The following EXOSC10 variants were observed in gnomAD, a reference collection of about 807,000 sequenced individuals.
EXOSC10 encodes the protein exosome complex component 10.
EXOSC10 carries 94 observed loss-of-function variants against 126.6 expected under a neutral mutation model. The ratio of observed to expected loss-of-function variants is 0.74; its 90% CI spans 0.63 to 0.88. The LOEUF (loss-of-function observed/expected upper bound fraction) is 0.88. Ranked by LOEUF, EXOSC10 falls within the 40% of genes least tolerant of loss-of-function variation. The pLI is 0.00. For missense variants in EXOSC10, 1,041 were observed against 1,100.5 expected (o/e 0.95, Z 0.77); for synonymous variants, 395 against 400.8 (o/e 0.99, Z 0.17).
chr1:11,074,489 T>C (rs558190584), intron 17 of EXOSC10, among the ~76,000 whole-genome samples, 163 bp from the exon 18 acceptor site: 1 of 152,050 alleles, frequency 6.6e-6, no homozygotes, highest in South Asian at 2.1e-4. Flanking sequence ...CTCTGCTCAC[T>C]GCAACCTCCA....
At chr1:11,096,990 G>T (rs1641135846) in intron 2 of EXOSC10, among the ~76,000 whole-genome samples, 1 of 151,568 alleles carries the variant, frequency 6.6e-6, no homozygotes, top group South Asian at 2.1e-4. Context: ...GAGGTGGGTG[G>T]ATCACAAGGT....
At position 11,080,563 on chromosome 1, in the gene EXOSC10, A is replaced by AAAAACAC. The variant is rs763871842; in HGVS notation, c.1587-15_1587-14insGTGTTTT. 2 of 1,422,632 alleles carry AAAAACAC rather than the reference A, an allele frequency of 1.4e-6. No homozygotes were observed. Among genetic ancestry groups the AAAAACAC allele is most frequent in the East Asian group, 2.4e-5 (1 of 41,990 alleles). 88.1% of individuals were successfully genotyped at this position (1,422,632 alleles called of 1,614,324 possible). ...GGCAGTACATATCTGGAAAAAAAAA[A>AAAAACAC]ACACACACACACACACACACACACA... On this transcript the variant is annotated splice_polypyrimidine_tract_variant and intron_variant, in intron 12 of 24. Transcript: ENST00000376936.
intron 5 of EXOSC10, 130 bp from the exon 6 acceptor site, chr1:11,090,798 C>G: frequency 1.2e-6 from 1 of 830,092 alleles, no homozygotes; most frequent in East Asian, 2.7e-5. Context: ...GTCCCCCAGG[C>G]TGAAGTGTGG....
chr1:11,076,075 G>A (rs1186581180), intron 17 of EXOSC10, among the ~76,000 whole-genome samples: 1 of 152,084 alleles, frequency 6.6e-6, no homozygotes, highest in Non-Finnish European at 1.5e-5. Context: ...TGAGGCAGGA[G>A]AATCGCTTGA....
chr1:11,084,138 TACC>T (rs1446778100), intron 9 of EXOSC10, among the ~76,000 whole-genome samples: 1 of 152,222 alleles, frequency 6.6e-6, no homozygotes, highest in Non-Finnish European at 1.5e-5. Flanking sequence ...TTTGGGTATA[TACC>T]AAGTAATGGG....
intron 22 of EXOSC10, among the ~76,000 whole-genome samples, chr1:11,069,317 A>G (rs1342684731): frequency 1.3e-5 from 2 of 151,668 alleles, no homozygotes; most frequent in African/African-American, 4.8e-5. Flanking sequence ...AGTGGAAGTG[A>G]CAGGTGATCT....
At chr1:11,074,498 C>T (rs1331439583) in intron 17 of EXOSC10, among the ~76,000 whole-genome samples, 172 bp from the exon 18 acceptor site, 11 of 151,896 alleles carry the variant, frequency 7.2e-5, no homozygotes, top group Admixed American at 7.2e-4. Flanking sequence ...CTGCAACCTC[C>T]ACCTCCTGTG....
intron 3 of EXOSC10, 35 bp downstream of exon 3, chr1:11,095,723 A>G: frequency 6.2e-7 from 1 of 1,607,658 alleles, no homozygotes; most frequent in Non-Finnish European, 8.5e-7. Flanking sequence ...CAAAAACAAA[A>G]CAAAACAAAA....
intron 13 of EXOSC10, 139 bp from the exon 14 acceptor site, chr1:11,079,961 T>C: frequency 2.9e-6 from 2 of 696,946 alleles, no homozygotes; most frequent in Non-Finnish European, 5.0e-6. Context: ...GAAACACTGA[T>C]GTCAGGCCAG....
chr1:11,095,609 G>C (rs1641037923), intron 3 of EXOSC10, 149 bp downstream of exon 3: 3 of 618,220 alleles, frequency 4.9e-6, no homozygotes, highest in Non-Finnish European at 8.2e-6. Context: ...AGCTACTTGG[G>C]AGGCTGAGGC....
intron 18 of EXOSC10, 39 bp downstream of exon 18, chr1:11,074,192 T>G: frequency 6.6e-7 from 1 of 1,522,924 alleles, no homozygotes; most frequent in Non-Finnish European, 9.1e-7. Context: ...TGTAGGCATC[T>G]CTGCATATCC....
At chr1:11,074,396 A>G in intron 17 of EXOSC10, 70 bp from the exon 18 acceptor site, 1 of 1,098,000 alleles carries the variant, frequency 9.1e-7, no homozygotes, top group Admixed American at 2.0e-5. Context: ...CAAGCAAGAG[A>G]GCAACAGTTA....
At chr1:11,083,601 G>T (rs1228066544) in intron 9 of EXOSC10, among the ~76,000 whole-genome samples, 2 of 145,532 alleles carry the variant, frequency 1.4e-5, no homozygotes, top group Non-Finnish European at 3.0e-5. Context: ...TATATGCAGG[G>T]TTTTTTTTAA....
At chr1:11,099,115 CA>C (rs1223524615) in intron 1 of EXOSC10, among the ~76,000 whole-genome samples, 4 of 152,206 alleles carry the variant, frequency 2.6e-5, no homozygotes, top group African/African-American at 9.6e-5. Flanking sequence ...ATTTTAGTTT[CA>C]TTGCTTTGTA....
chr1:11,080,682 A>G (rs1640113742), intron 12 of EXOSC10, 82 bp downstream of exon 12: 2 of 1,600,198 alleles, frequency 1.2e-6, no homozygotes. Flanking sequence ...CTTTCATAGC[A>G]AAAGAAAAAA....
At chr1:11,068,555 G>T in intron 23 of EXOSC10, 90 bp downstream of exon 23, 1 of 950,602 alleles carries the variant, frequency 1.1e-6, no homozygotes, top group South Asian at 1.3e-5. Context: ...CAAAGGAATG[G>T]ACTCCTGGAT....
intron 9 of EXOSC10, among the ~76,000 whole-genome samples, chr1:11,083,621 A>T (rs558310432): frequency 8.9e-4 from 133 of 150,018 alleles, no homozygotes; most frequent in South Asian, 1.9e-3. Flanking sequence ...AGTTAAAAAA[A>T]TTTTTTTTTA....
intron 14 of EXOSC10, 70 bp downstream of exon 14, chr1:11,079,641 A>C: frequency 7.7e-7 from 1 of 1,300,124 alleles, no homozygotes; most frequent in Admixed American, 1.9e-5. Flanking sequence ...TGATCCAGCC[A>C]CCTCAGCCTC....
At chr1:11,088,874 T>C (rs1270390053) in intron 6 of EXOSC10, among the ~76,000 whole-genome samples, 1 of 152,214 alleles carries the variant, frequency 6.6e-6, no homozygotes, top group Non-Finnish European at 1.5e-5. Flanking sequence ...AGTGAAGTTT[T>C]TCCAAGATGC....
Sources: gnomAD v4.1 joint callset for allele counts (sites outside exome capture counted in the v4.1 genomes callset) on GRCh38, gnomAD v4.1.1 for gene constraint, MANE v1.5 for transcripts, NCBI Gene and HGNC (gene_info 2026-07-23, HGNC 2026-07-21) for gene names.